PIGL: variants seen among roughly 807,000 people sequenced by gnomAD.
PIGL encodes the protein N-acetylglucosaminyl-phosphatidylinositol de-N-acetylase.
A neutral mutation model predicts 31.1 loss-of-function variants in PIGL; 22 were observed. That is an observed-to-expected ratio of 0.71 (90% confidence interval 0.51 to 1.01). The LOEUF (loss-of-function observed/expected upper bound fraction) is 1.01, where lower values mean the gene tolerates loss of function less well. Ranked by LOEUF, PIGL falls within the 50% of genes least tolerant of loss-of-function variation. The probability of loss-of-function intolerance (pLI) is 0.00; values close to 1 mark genes in which losing one functional copy is unlikely to be tolerated. For missense variants in PIGL, 302 were observed against 315.9 expected, an observed-to-expected ratio of 0.96 and a Z score of 0.33; for synonymous variants, 131 against 117.4, an observed-to-expected ratio of 1.12 and a Z score of -0.75.
At chr17:16,275,588 T>G (rs1184829807) in intron 2 of PIGL, among the ~76,000 whole-genome samples, 1 of 152,134 alleles carries the variant, frequency 6.6e-6, no homozygotes, top group Non-Finnish European at 1.5e-5. Context: ...CCCCTTCCTT[T>G]TATAAGAGAA....
In PIGL at chr17:16,317,855, C is replaced by T; in HGVS notation, c.607C>T (p.His203Tyr). ...TCTGGATCTGCCCTTGTCTCTGCTT[C>T]ATACGCAGGATGTCCTCTTCGTGCT... ...SLLDLPLSLLHTQDVLFVLNS... is the reference protein window; with the variant it reads ...SLLDLPLSLLYTQDVLFVLNS... Residue 203 changes from histidine to tyrosine, a missense_variant, in exon 6 of 7, where the codon CAT (histidine) becomes TAT (tyrosine). Coordinates refer to ENST00000225609, the MANE Select transcript of PIGL (RefSeq NM_004278.4). 3 of 1,614,138 alleles carry T rather than the reference C, an allele frequency of 1.9e-6. No homozygotes were observed. The highest frequency in any genetic ancestry group is 2.5e-6 in the Non-Finnish European group (3 of 1,180,046).
rs182217197 is a variant in PIGL, at chr17:16,295,318, G to A, written c.336-4570G>A. Among the ~76,000 whole-genome samples, 11 of 150,602 alleles carry A rather than the reference G, an allele frequency of 7.3e-5. No individual in the cohort carries two copies. In the East Asian group the frequency reaches 1.6e-3, roughly 21 times the overall value. On this transcript the variant is annotated intron_variant, in intron 2 of 6. Coordinates refer to ENST00000225609, the MANE Select transcript of PIGL (RefSeq NM_004278.4). ...ACTGACAGGCTGAGGCAGGAGAATC[G>A]CTTGAACCCAGGTGGCGGAGGTTGC...
chr17:16,321,208 G>A (rs1483327769), intron 6 of PIGL, among the ~76,000 whole-genome samples: 1 of 149,662 alleles, frequency 6.7e-6, no homozygotes, highest in Non-Finnish European at 1.5e-5. Flanking sequence ...AAAGTGCTGG[G>A]ATTACAGGCA....
At chr17:16,320,239 AAG>A (rs2093098072) in intron 6 of PIGL, among the ~76,000 whole-genome samples, 1 of 97,668 alleles carries the variant, frequency 1.0e-5, no homozygotes, top group African/African-American at 4.6e-5. Flanking sequence ...GGAAGGAAGG[AAG>A]GAAGGAAGGA....
intron 2 of PIGL, among the ~76,000 whole-genome samples, chr17:16,250,035 C>G (rs557260327): frequency 6.6e-6 from 1 of 152,118 alleles, no homozygotes; most frequent in Non-Finnish European, 1.5e-5. Flanking sequence ...CAACCTCCAC[C>G]TCTTGGATTC....
intron 1 of PIGL, among the ~76,000 whole-genome samples, chr17:16,218,701 G>C (rs2142622507): frequency 8.0e-6 from 1 of 124,564 alleles, no homozygotes; most frequent in East Asian, 2.6e-4. Context: ...TTTTTTCTGA[G>C]ATAGTCTCGC....
chr17:16,247,769 T>C (rs2092754928), intron 2 of PIGL, among the ~76,000 whole-genome samples: 1 of 152,218 alleles, frequency 6.6e-6, no homozygotes, highest in South Asian at 2.1e-4. Flanking sequence ...CCCGATTTTT[T>C]CTTTCTCCTG....
intron 4 of PIGL, among the ~76,000 whole-genome samples, chr17:16,315,986 G>A (rs1177610769): frequency 2.0e-5 from 3 of 152,046 alleles, no homozygotes; most frequent in South Asian, 2.1e-4. Flanking sequence ...GTGAGCCACC[G>A]CGCCCGGCTC....
Position 16,300,158 on chromosome 17 carries a change from T to C in PIGL, c.426+180T>C. On this transcript the variant is annotated intron_variant, in intron 3 of 6. Transcript: ENST00000225609. ...ACCTACTGAAGAACAAACACACCTT[T>C]TGATATCTTTACGATCTTGTGTGAG... 3 of 586,422 alleles carry C rather than the reference T, an allele frequency of 5.1e-6. 1 individual carries two copies. The South Asian group carries it at 6.2e-5, about 12-fold the overall frequency. The allele number at this position is 586,422 out of a possible 1,614,324, so 36.3% of individuals were successfully genotyped here.
intron 2 of PIGL, among the ~76,000 whole-genome samples, chr17:16,275,319 C>A (rs1404453202): frequency 6.6e-6 from 1 of 152,142 alleles, no homozygotes. Context: ...TTATAATTAG[C>A]GTATAATGAG....
At chr17:16,289,098 T>C (rs556930028) in intron 2 of PIGL, among the ~76,000 whole-genome samples, 36 of 150,354 alleles carry the variant, frequency 2.4e-4, no homozygotes, top group Non-Finnish European at 4.9e-4. Context: ...GAAGGTCAGG[T>C]GAGATAAACT....
At chr17:16,257,900 A>G (rs1187235706) in intron 2 of PIGL, among the ~76,000 whole-genome samples, 3 of 151,794 alleles carry the variant, frequency 2.0e-5, no homozygotes, top group African/African-American at 7.3e-5. Flanking sequence ...CCCCATCTCT[A>G]CTAAAAATAC....
intron 6 of PIGL, among the ~76,000 whole-genome samples, chr17:16,325,454 A>C (rs1473344247): frequency 6.6e-6 from 1 of 151,310 alleles, no homozygotes; most frequent in Admixed American, 6.6e-5. Context: ...TTCCTCATCT[A>C]TTTATTTTTT....
intron 1 of PIGL, among the ~76,000 whole-genome samples, chr17:16,223,834 G>A (rs1407462990): frequency 6.6e-6 from 1 of 152,110 alleles, no homozygotes; most frequent in African/African-American, 2.4e-5. Flanking sequence ...AGACTGCACT[G>A]CCAGCTCTCA....
chr17:16,228,756 C>CACT (rs1396587681), intron 1 of PIGL, among the ~76,000 whole-genome samples: 2 of 152,172 alleles, frequency 1.3e-5, no homozygotes, highest in African/African-American at 4.8e-5. Context: ...TAACCATCAC[C>CACT]ACTATTTCAT....
chr17:16,317,872 C>G lies in PIGL; in HGVS notation c.624C>G (p.Leu208=). 6.2e-7 allele frequency: 1 copy of G among 1,613,976 alleles called. No individual in the cohort carries two copies. Among genetic ancestry groups the G allele is most frequent in the South Asian group, 1.1e-5 (1 of 91,068 alleles). Residue 208 remains leucine (L), a synonymous_variant, in exon 6 of 7, where the codon CTC becomes CTG. Coordinates refer to ENST00000225609, the MANE Select transcript of PIGL (RefSeq NM_004278.4). ...CTCTGCTTCATACGCAGGATGTCCT[C>G]TTCGTGCTCAACAGCAAAGAAGTGG... ...PLSLLHTQDV[L]FVLNSKEVAQ...
intron 2 of PIGL, among the ~76,000 whole-genome samples, chr17:16,235,809 G>T (rs2092697660): frequency 6.7e-6 from 1 of 150,118 alleles, no homozygotes; most frequent in Non-Finnish European, 1.5e-5. Context: ...ACTTTTTGGG[G>T]GGCAAGAATA....
intron 2 of PIGL, among the ~76,000 whole-genome samples, chr17:16,258,949 G>A (rs951878957): frequency 6.6e-6 from 1 of 152,200 alleles, no homozygotes; most frequent in Non-Finnish European, 1.5e-5. Context: ...TTAGTGTCCA[G>A]AAGAAAGGTT....
At chr17:16,232,692 T>C (rs532710584) in intron 1 of PIGL, among the ~76,000 whole-genome samples, 6 of 149,380 alleles carry the variant, frequency 4.0e-5, no homozygotes, top group African/African-American at 1.5e-4. Flanking sequence ...TCAAGTAATC[T>C]AGGGAGAAAA....
Sources: allele counts gnomAD v4.1 joint callset (sites outside exome capture counted in the v4.1 genomes callset), GRCh38; gene constraint gnomAD v4.1.1; transcripts MANE v1.5; gene names NCBI Gene and HGNC (gene_info 2026-07-23, HGNC 2026-07-21).